ITPA: variants seen among roughly 807,000 people sequenced by gnomAD.
ITPA encodes the protein inosine triphosphate pyrophosphatase.
Under a neutral mutation model 29.6 loss-of-function variants are expected in ITPA, and 29 were observed. The ratio of observed to expected loss-of-function variants is 0.98; its 90% confidence interval spans 0.73 to 1.34. ITPA has a LOEUF of 1.34. Among genes scored for constraint, ITPA ranks in the 40% most tolerant of loss-of-function variants. The pLI is 0.00. For missense variants in ITPA, 241 were observed against 251.5 expected, an observed-to-expected ratio of 0.96 and a Z score of 0.28; for synonymous variants, 103 against 99.3, an observed-to-expected ratio of 1.04 and a Z score of -0.22.
Position 3,209,974 on chromosome 20 carries a change from T to C in ITPA, c.66+357T>C, listed in dbSNP as rs2067135726. The stretch of plus-strand genomic sequence containing the variant: ...TGTCCCGACACTCTTCTGGGACTTA[T>C]CCACATCCCGCTGCTGGGCCAGGGC... On this transcript the variant is annotated intron_variant, in intron 1 of 7. Coordinates refer to ENST00000380113, the MANE Select transcript of ITPA (RefSeq NM_033453.4). This position sits in a 1 kb window ranked among gnomAD's most constrained non-coding sequence, Gnocchi z 4.6. 6.6e-6 allele frequency among the ~76,000 whole-genome samples: 1 copy of C among 152,100 alleles called. No individual in the cohort carries two copies. Among genetic ancestry groups the C allele is most frequent in the Non-Finnish European group, 1.5e-5 (1 of 68,014 alleles).
chr20:3,216,825 T>G (rs2122366633), intron 5 of ITPA, among the ~76,000 whole-genome samples: 1 of 152,240 alleles, frequency 6.6e-6, no homozygotes, highest in South Asian at 2.1e-4. Flanking sequence ...TGACCTCAGG[T>G]GGTCCCACCT....
intron 4 of ITPA, 171 bp from the exon 5 acceptor site, chr20:3,215,110 G>A (rs922403205): frequency 1.4e-5 from 9 of 657,212 alleles, no homozygotes; most frequent in Admixed American, 5.0e-5. Context: ...CAAGCGATCC[G>A]CCTGCCTTAG....
chr20:3,219,839 G>A (rs1052525480), intron 6 of ITPA, among the ~76,000 whole-genome samples: 1 of 151,918 alleles, frequency 6.6e-6, no homozygotes, highest in Non-Finnish European at 1.5e-5. Context: ...TTGAGGCCAG[G>A]AGTTTGAGAC....
At chr20:3,213,404 CCA>C in intron 3 of ITPA, 21 bp downstream of exon 3, 1 of 1,613,310 alleles carries the variant, frequency 6.2e-7, no homozygotes, top group Non-Finnish European at 8.5e-7. Flanking sequence ...TGCCCTTGTC[CCA>C]CACTTGCTCT....
chr20:3,218,497 C>A lies in ITPA; in HGVS notation c.296-20C>A. The A allele has an allele frequency of 6.4e-7, 1 of 1,551,492 alleles. No individual in the cohort carries two copies. The highest frequency in any genetic ancestry group is 8.9e-7 in the Non-Finnish European group (1 of 1,123,134). ...AGTTGGCCATTAGGGATGCACTGAG[C>A]CCTCACTGCCCACCCGCAGGTCTCC... On this transcript the variant is annotated intron_variant, in intron 5 of 7. Coordinates refer to ENST00000380113, the MANE Select transcript of ITPA (RefSeq NM_033453.4).
upstream of ITPA, among the ~76,000 whole-genome samples, chr20:3,206,951 T>C (rs2067075467): frequency 6.6e-6 from 1 of 151,740 alleles, no homozygotes; most frequent in African/African-American, 2.4e-5. Context: ...TATGCAGAGG[T>C]TGCAGTGAGC....
upstream of ITPA, among the ~76,000 whole-genome samples, chr20:3,204,234 G>C (rs113185908): frequency 6.6e-6 from 1 of 152,232 alleles, no homozygotes; most frequent in South Asian, 2.1e-4. Context: ...GGCCCCGACG[G>C]TGACGGATGG....
chr20:3,208,360 A>C (rs79735380), upstream of ITPA, among the ~76,000 whole-genome samples: 813 of 152,262 alleles, frequency 5.3e-3, 1 homozygote, highest in Non-Finnish European at 8.9e-3. Context: ...TCACCACCCA[A>C]AGCAGTGGTT....
At position 3,209,654 on chromosome 20, in the gene ITPA, C is replaced by T; in HGVS notation, c.66+37C>T. ...GTGTTGGGGGCTAACTGGGAGGCGG[C>T]TGGGAATAGGGCGGAGAAGGGGCTT... On this transcript the variant is annotated intron_variant, in intron 1 of 7. Transcript: ENST00000380113. The surrounding 1 kb of genome is among the most constrained non-coding windows in gnomAD (Gnocchi z 4.6). The T allele has an allele frequency of 6.3e-7, 1 of 1,584,956 alleles. No homozygotes were observed. The highest frequency in any genetic ancestry group is 2.2e-5 in the East Asian group (1 of 44,684).
chr20:3,226,016 TCAA>T (rs542867102), downstream of ITPA, among the ~76,000 whole-genome samples: 51 of 152,312 alleles, frequency 3.3e-4, no homozygotes, highest in South Asian at 1.7e-3. This position sits in a 1 kb window ranked among gnomAD's most constrained non-coding sequence, Gnocchi z 4.4. Context: ...AGACGCTGTC[TCAA>T]CAACAACAAA....
chr20:3,220,173 C>CTGGAGT (rs2122420321), intron 6 of ITPA, among the ~76,000 whole-genome samples: 1 of 152,218 alleles, frequency 6.6e-6, no homozygotes, highest in African/African-American at 2.4e-5. Context: ...AGGTGATCTC[C>CTGGAGT]CACCCTGGAG....
rs191066307 is a variant in ITPA at position 3,216,252 on chromosome 20, C to T, written c.295+940C>T. 1.7e-3 allele frequency among the ~76,000 whole-genome samples: 257 copies of T among 150,588 alleles called. 1 individual carries two copies. Among genetic ancestry groups the T allele is most frequent in the African/African-American group, 5.9e-3 (239 of 40,838 alleles). On this transcript the variant is annotated intron_variant, in intron 5 of 7. Coordinates refer to ENST00000380113, the MANE Select transcript of ITPA (RefSeq NM_033453.4). The stretch of plus-strand genomic sequence containing the variant: ...TCGGCTCACTCCAACCTCCACTTCC[C>T]GGATTCAAGCGATTCTCCTGCCTCA...
chr20:3,224,018 T>C (rs2067532122), downstream of ITPA: 1 of 168,662 alleles, frequency 5.9e-6, no homozygotes, highest in Admixed American at 5.5e-5. Flanking sequence ...TCTTGCCTCA[T>C]TCAATGGCAT....
chr20:3,212,810 T>G (rs1485053579), intron 1 of ITPA, among the ~76,000 whole-genome samples: 3 of 152,120 alleles, frequency 2.0e-5, no homozygotes, highest in Admixed American at 6.6e-5. Flanking sequence ...AAGAATAAAG[T>G]TTTTTTTCCC....
At chr20:3,222,944 G>A (rs1187205042) in intron 7 of ITPA, among the ~76,000 whole-genome samples, 1 of 152,240 alleles carries the variant, frequency 6.6e-6, no homozygotes, top group Non-Finnish European at 1.5e-5. Context: ...CCTCACTGCG[G>A]TGCTGGCATG....
At chr20:3,208,346 C>G (rs965517048), upstream of ITPA, among the ~76,000 whole-genome samples, 10 of 152,092 alleles carry the variant, frequency 6.6e-5, no homozygotes, top group African/African-American at 2.4e-4. Flanking sequence ...TAAAAGAAAA[C>G]AGGTCACCAC....
upstream of ITPA, chr20:3,204,435 G>T (rs41281854): frequency 1.6e-6 from 2 of 1,238,982 alleles, no homozygotes; most frequent in Non-Finnish European, 1.1e-6. Context: ...CGTCCCGCCC[G>T]CCCAGGTGCG....
rs2067231979 is a variant in ITPA, at chr20:3,213,991, G to A, written c.196G>A (p.Gly66Arg). ...GTATGTCTTTGTGCTGCAGGTACAG[G>A]GGCCCGTGCTGGTTGAGGACACTTG... ...KCQEAVRQVQGPVLVEDTCLC... is the reference protein window; with the variant it reads ...KCQEAVRQVQRPVLVEDTCLC... The change falls in exon 4 of 8, where the codon GGG becomes AGG. Residue 66 changes from glycine (G) to arginine (R), a missense_variant. By Grantham distance (125) the Gly-to-Arg change is moderately radical. Transcript: ENST00000380113. 1.9e-6 allele frequency: 3 copies of A among 1,614,060 alleles called. No homozygotes were observed. Among genetic ancestry groups the A allele is most frequent in the African/African-American group, 1.3e-5 (1 of 74,928 alleles).
upstream of ITPA, chr20:3,204,613 C>T (rs749919161): frequency 1.3e-6 from 2 of 1,588,766 alleles, no homozygotes; most frequent in African/African-American, 1.3e-5. Flanking sequence ...CCAAGTACCA[C>T]ACAGGCGCCA....
Sources: allele counts gnomAD v4.1 joint callset (sites outside exome capture counted in the v4.1 genomes callset), GRCh38; gene constraint gnomAD v4.1.1; non-coding constraint Gnocchi (gnomAD v3.1); transcripts MANE v1.5; gene names NCBI Gene and HGNC (gene_info 2026-07-23, HGNC 2026-07-21).